The following SLC35F1 variants were observed in gnomAD, a reference collection of about 807,000 sequenced individuals.
SLC35F1 encodes solute carrier family 35 member F1.
A neutral mutation model predicts 48.7 loss-of-function variants in SLC35F1; 14 were observed. The ratio of observed to expected loss-of-function variants is 0.29; its 90% CI spans 0.19 to 0.45. SLC35F1 has a LOEUF of 0.45. SLC35F1 is among the 20% of genes least tolerant of loss of function. The probability of loss-of-function intolerance (pLI) is 1.00; values close to 1 mark genes in which losing one functional copy is unlikely to be tolerated. For synonymous variants in SLC35F1, 190 were observed against 202.2 expected (o/e 0.94, Z 0.51); for missense variants, 404 against 500.0 (o/e 0.81, Z 1.83).
At chr6:117,985,956 T>C (rs753312090) in intron 1 of SLC35F1, among the ~76,000 whole-genome samples, 11 of 152,170 alleles carry the variant, frequency 7.2e-5, no homozygotes, top group Non-Finnish European at 1.6e-4. Context: ...CCAAAGGCAA[T>C]TAATGTGATG....
chr6:118,141,803 A>C (rs1773894165), intron 1 of SLC35F1, among the ~76,000 whole-genome samples: 2 of 152,198 alleles, frequency 1.3e-5, no homozygotes, highest in Admixed American at 1.3e-4. Flanking sequence ...AAATGGTTTC[A>C]TCTGGAGAAC....
intron 1 of SLC35F1, among the ~76,000 whole-genome samples, chr6:118,023,225 G>A (rs1777420854): frequency 6.6e-6 from 1 of 152,194 alleles, no homozygotes; most frequent in South Asian, 2.1e-4. Context: ...TTAAAAGTCA[G>A]TGAAGGAGAC....
intron 1 of SLC35F1, among the ~76,000 whole-genome samples, chr6:118,096,703 C>T (rs1423610984): frequency 1.3e-5 from 2 of 152,126 alleles, no homozygotes; most frequent in Admixed American, 6.5e-5. Flanking sequence ...GGGAGATACA[C>T]CACTCACCTT....
Position 118,316,532 on chromosome 6 carries a change from GT to G in SLC35F1, c.*2284del, listed in dbSNP as rs1776439724. On this transcript the variant is annotated 3_prime_UTR_variant, in exon 8 of 8. Coordinates refer to ENST00000360388, the MANE Select transcript of SLC35F1 (RefSeq NM_001029858.4). ...TTTTAGTATTTATTTTAAGCCAGAT[GT>G]TTTCATCTTTGATTCATTTTTATGA... is the stretch of plus-strand genomic sequence containing the variant. 6.6e-6 allele frequency: 1 copy of G among 152,562 alleles called. No individual in the cohort carries two copies. The highest frequency in any genetic ancestry group is 6.5e-5 in the Admixed American group (1 of 15,278). 9.5% of individuals were successfully genotyped at this position (152,562 alleles called of 1,614,324 possible).
intron 2 of SLC35F1, among the ~76,000 whole-genome samples, chr6:118,174,189 G>A (rs1034120601): frequency 6.6e-6 from 1 of 152,100 alleles, no homozygotes; most frequent in Non-Finnish European, 1.5e-5. Flanking sequence ...GACATGCAAT[G>A]AAGCAAGAAA....
chr6:118,182,523 G>GGAAA (rs1266394246), intron 2 of SLC35F1, among the ~76,000 whole-genome samples: 3 of 105,270 alleles, frequency 2.8e-5, no homozygotes, highest in African/African-American at 7.5e-5. Context: ...AGAGAGAGAA[G>GGAAA]GAAGGAAGGA....
Position 118,297,605 on chromosome 6 carries a change from C to T in SLC35F1, c.1002+12267C>T, listed in dbSNP as rs547830267. Among the ~76,000 whole-genome samples, 67 of 139,472 alleles carry T rather than the reference C, an allele frequency of 4.8e-4. No individual in the cohort carries two copies. In the East Asian group the frequency reaches 0.012, roughly 25 times the overall value. 91.5% of individuals were successfully genotyped at this position (139,472 alleles called of 152,430 possible). ...CAAAGGATAATTCTATCCTAAGTTG[C>T]ATTTTTTTCTCAGAACTTATATATA... On this transcript the variant is annotated intron_variant, in intron 7 of 7. Transcript: ENST00000360388.
At chr6:117,979,161 G>C (rs1359672563) in intron 1 of SLC35F1, among the ~76,000 whole-genome samples, 1 of 152,224 alleles carries the variant, frequency 6.6e-6, no homozygotes, top group East Asian at 1.9e-4. Context: ...AGCTAGCGAA[G>C]AGCAGCTCCC....
At chr6:118,272,737 G>GTGTGTGTATATATATATATATA (rs201515909) in intron 4 of SLC35F1, among the ~76,000 whole-genome samples, 11 of 120,264 alleles carry the variant, frequency 9.1e-5, no homozygotes, top group African/African-American at 3.2e-4. Context: ...ATATGTGTGT[G>GTGTGTGTATATATATATATATA]TATATATATA....
intron 1 of SLC35F1, among the ~76,000 whole-genome samples, chr6:118,118,117 C>T (rs1480677342): frequency 6.6e-6 from 1 of 152,098 alleles, no homozygotes; most frequent in Non-Finnish European, 1.5e-5. Flanking sequence ...ATTTGTGACT[C>T]ACTTAGGAAA....
intron 1 of SLC35F1, among the ~76,000 whole-genome samples, chr6:117,923,021 C>A (rs953121953): frequency 6.6e-6 from 1 of 152,170 alleles, no homozygotes; most frequent in African/African-American, 2.4e-5. Context: ...AATCAAACAT[C>A]ATTTCACCAG....
At chr6:118,241,146 A>T (rs1243058339) in intron 3 of SLC35F1, among the ~76,000 whole-genome samples, 1 of 152,220 alleles carries the variant, frequency 6.6e-6, no homozygotes, top group Admixed American at 6.5e-5. Context: ...TTAATGTTGT[A>T]GGTAAAAGAA....
chr6:118,295,215 G>A (rs1196410515), intron 7 of SLC35F1, among the ~76,000 whole-genome samples: 2 of 151,980 alleles, frequency 1.3e-5, no homozygotes, highest in East Asian at 1.9e-4. Context: ...CTGGACCTGA[G>A]GTCATTATAA....
chr6:117,996,462 C>T (rs148348264), intron 1 of SLC35F1, among the ~76,000 whole-genome samples: 4,506 of 152,200 alleles, frequency 0.03, 77 homozygotes, highest in African/African-American at 0.046. Flanking sequence ...GATCTGAGAA[C>T]GGGCAGACTG....
intron 2 of SLC35F1, among the ~76,000 whole-genome samples, chr6:118,189,960 T>A (rs2095407): frequency 0.024 from 3,682 of 152,334 alleles, 161 homozygotes; most frequent in African/African-American, 0.084. Context: ...TCAGCTATTG[T>A]TATAGGCACA....
At chr6:117,922,657 T>C (rs571846958) in intron 1 of SLC35F1, among the ~76,000 whole-genome samples, 1 of 152,352 alleles carries the variant, frequency 6.6e-6, no homozygotes, top group African/African-American at 2.4e-5. Flanking sequence ...ATGGGAGCAT[T>C]ACTTGAAGGC....
At chr6:117,916,009 T>C (rs1043978151) in intron 1 of SLC35F1, among the ~76,000 whole-genome samples, 46 of 152,150 alleles carry the variant, frequency 3.0e-4, no homozygotes, top group African/African-American at 1.1e-3. Flanking sequence ...GTTGAAAGGT[T>C]ATTGAAAGCC....
chr6:118,213,706 A>T (rs1311267688), intron 2 of SLC35F1, among the ~76,000 whole-genome samples: 1 of 152,226 alleles, frequency 6.6e-6, no homozygotes, highest in African/African-American at 2.4e-5. Flanking sequence ...CCAAGTTGCA[A>T]AATTATATAT....
chr6:118,290,221 A>G (rs1485953892), intron 7 of SLC35F1, among the ~76,000 whole-genome samples: 2 of 152,072 alleles, frequency 1.3e-5, no homozygotes, highest in African/African-American at 4.8e-5. Flanking sequence ...TTTTTTTTCA[A>G]AATAATTTAT....
Sources: gnomAD v4.1 joint callset for allele counts (sites outside exome capture counted in the v4.1 genomes callset) on GRCh38, gnomAD v4.1.1 for gene constraint, MANE v1.5 for transcripts, NCBI Gene and HGNC (gene_info 2026-07-23, HGNC 2026-07-21) for gene names.